CDK5RAP3: variants seen among roughly 807,000 people sequenced by gnomAD.
CDK5RAP3 encodes the protein CDK5 regulatory subunit associated protein 3.
A neutral mutation model predicts 73.3 loss-of-function variants in CDK5RAP3; 58 were observed. That is an observed-to-expected ratio of 0.79 (90% confidence interval 0.64 to 0.98). The LOEUF (loss-of-function observed/expected upper bound fraction) is 0.98, where lower values mean the gene tolerates loss of function less well. Ranked by LOEUF, CDK5RAP3 falls within the 50% of genes least tolerant of loss-of-function variation. The probability of loss-of-function intolerance (pLI) is 0.00; values close to 1 mark genes in which losing one functional copy is unlikely to be tolerated. For missense variants in CDK5RAP3, 525 were observed against 615.8 expected (o/e 0.85, Z 1.56); for synonymous variants, 224 against 247.5 (o/e 0.91, Z 0.89).
upstream of CDK5RAP3, among the ~76,000 whole-genome samples, chr17:47,969,556 C>CAAAAA (rs36208323): frequency 1.4e-4 from 11 of 79,850 alleles, no homozygotes; most frequent in African/African-American, 6.1e-4. Flanking sequence ...GACTCCGTCT[C>CAAAAA]AAAAAAAAAA....
At chr17:47,978,069 G>GTTT (rs71366815) in intron 10 of CDK5RAP3, 159 bp downstream of exon 10, 20,297 of 296,108 alleles carry the variant, frequency 0.069, 217 homozygotes, top group South Asian at 0.09. Flanking sequence ...ACCAAGAGAG[G>GTTT]TTTTTTTTTT....
At chr17:47,970,369 A>G (rs188634854), upstream of CDK5RAP3, among the ~76,000 whole-genome samples, 432 of 152,016 alleles carry the variant, frequency 2.8e-3, 1 homozygote, top group Non-Finnish European at 4.9e-3. Flanking sequence ...GTGCATTTCC[A>G]TTTTGCACTG....
chr17:47,979,065 C>T, intron 11 of CDK5RAP3, 148 bp downstream of exon 11: 1 of 636,854 alleles, frequency 1.6e-6, no homozygotes, highest in Non-Finnish European at 2.8e-6. Flanking sequence ...TATTAGATGC[C>T]TCCTATTCAT....
Position 47,973,556 on chromosome 17 carries a change from G to T in CDK5RAP3, c.90G>T (p.Trp30Cys). 6.2e-7 allele frequency: 1 copy of T among 1,614,186 alleles called. No homozygotes were observed. Among genetic ancestry groups the T allele is most frequent in the Non-Finnish European group, 8.5e-7 (1 of 1,180,028 alleles). Reference protein sequence around the residue: ...LVDRRHCSLKWQSLVLTIREK... With the variant: ...LVDRRHCSLKCQSLVLTIREK... Reference sequence around the variant, plus strand: ...ACAGAAGGCACTGCAGCCTGAAATGGCAGAGTCTGGTGCTGACGATCCGCG... The same window carrying T: ...ACAGAAGGCACTGCAGCCTGAAATGTCAGAGTCTGGTGCTGACGATCCGCG... Residue 30 changes from tryptophan to cysteine, a missense_variant, in exon 3 of 14, where the codon TGG becomes TGT. Trp to Cys is a radical substitution (Grantham distance 215). Coordinates refer to ENST00000338399, the MANE Select transcript of CDK5RAP3 (RefSeq NM_176096.3).
Position 47,981,166 on chromosome 17 carries a change from T to C in CDK5RAP3, c.1287T>C (p.Tyr429=). ...CTCACCTGAGTGCCCCGCACAGGTATGTGGACCGAGTGACTGAATTCCTCC... is the reference window on the plus strand; with the variant it reads ...CTCACCTGAGTGCCCCGCACAGGTACGTGGACCGAGTGACTGAATTCCTCC... ...HLFMILASPR[Y]VDRVTEFLQQ... Residue 429 remains tyrosine (Y), a synonymous_variant, in exon 13 of 14, where the codon TAT becomes TAC. Transcript: ENST00000338399. 4.3e-6 allele frequency: 7 copies of C among 1,613,914 alleles called. No homozygotes were observed. Among genetic ancestry groups the C allele is most frequent in the Non-Finnish European group, 5.9e-6 (7 of 1,179,842 alleles).
upstream of CDK5RAP3, chr17:47,970,611 A>G (rs1200954169): frequency 5.3e-6 from 8 of 1,501,974 alleles, no homozygotes; most frequent in Admixed American, 1.2e-4. Context: ...AACACGTTGC[A>G]GGTGCTCAAC....
rs2036564701 is a variant in CDK5RAP3, at chr17:47,981,757, A to G, written c.*255A>G. The G allele has an allele frequency of 6.7e-7, 1 of 1,482,384 alleles. No homozygotes were observed. 91.8% of individuals were successfully genotyped at this position (1,482,384 alleles called of 1,614,324 possible). A position where few individuals can be genotyped will look rare whatever the true frequency, so the allele number is the denominator to read the frequency against. On this transcript the variant is annotated 3_prime_UTR_variant, in exon 14 of 14. Coordinates refer to ENST00000338399, the MANE Select transcript of CDK5RAP3 (RefSeq NM_176096.3). ...TAGTTAGTATAGCGGACTTAATAAAAGAGGAAAAAACTCTTGCTTCAGTAC... is the reference window on the plus strand; with the variant it reads ...TAGTTAGTATAGCGGACTTAATAAAGGAGGAAAAAACTCTTGCTTCAGTAC...
chr17:47,981,038 T>A, intron 12 of CDK5RAP3, 125 bp from the exon 13 acceptor site: 1 of 1,096,970 alleles, frequency 9.1e-7, no homozygotes. Flanking sequence ...GGAAAGGGTT[T>A]AAGGATGTGA....
intron 5 of CDK5RAP3, 191 bp from the exon 6 acceptor site, chr17:47,974,968 T>C (rs2036363563): frequency 1.4e-6 from 2 of 1,454,864 alleles, no homozygotes; most frequent in South Asian, 1.4e-5. Context: ...TAAATGTTAT[T>C]GTCGCTGTTT....
upstream of CDK5RAP3, chr17:47,970,938 C>A (rs1040715404): frequency 4.8e-6 from 7 of 1,452,124 alleles, no homozygotes; most frequent in Non-Finnish European, 5.4e-6. Context: ...CATTCTCCCG[C>A]CCCTCCCGAG....
At position 47,978,677 on chromosome 17, in the gene CDK5RAP3, G is replaced by A. The variant is rs2036480294; in HGVS notation, c.989-152G>A. The A allele has an allele frequency of 6.5e-6, 4 of 618,530 alleles. No individual in the cohort carries two copies. In the South Asian group the frequency reaches 7.7e-5, roughly 12 times the overall value. The allele number at this position is 618,530 out of a possible 1,614,324, so 38.3% of individuals were successfully genotyped here. On this transcript the variant is annotated intron_variant, in intron 10 of 13. Transcript: ENST00000338399. ...ACCTGATTAGAGCTGAGACACCTGG[G>A]ACAAGGTAGCCTTCCCCCTTGGATT...
At chr17:47,977,067 A>G (rs8076314) in intron 9 of CDK5RAP3, among the ~76,000 whole-genome samples, 106,480 of 151,640 alleles carry the variant, frequency 0.7, 37,587 homozygotes, top group East Asian at 0.77. Flanking sequence ...TCCGCCTCCC[A>G]GGTTCAAGTG....
rs775512135 is a variant in CDK5RAP3 at position 47,973,648 on chromosome 17, C to A, written c.182C>A (p.Ser61Tyr). The A allele has an allele frequency of 4.7e-5, 76 of 1,613,912 alleles. No individual in the cohort carries two copies. The highest frequency in any genetic ancestry group is 6.4e-5 in the Non-Finnish European group (76 of 1,179,998). The change falls in exon 3 of 14, where the codon TCC becomes TAC. Residue 61 changes from serine to tyrosine, a missense_variant and splice_region_variant. By Grantham distance (144) the Ser-to-Tyr change is moderately radical. Coordinates refer to ENST00000338399, the MANE Select transcript of CDK5RAP3 (RefSeq NM_176096.3). ...SEEIAQLLSG[S>Y]YIHYFHCLRI... ...GAGATCGCCCAGCTGCTGTCTGGGTCCTGTGAGTGCTTAGGGGCTGTCACT... is the reference window on the plus strand; with the variant it reads ...GAGATCGCCCAGCTGCTGTCTGGGTACTGTGAGTGCTTAGGGGCTGTCACT...
chr17:47,970,564 C>T, upstream of CDK5RAP3: 3 of 1,077,590 alleles, frequency 2.8e-6, no homozygotes, highest in Non-Finnish European at 4.1e-6. Flanking sequence ...GACGTCTCAC[C>T]GACTCTCTTC....
At chr17:47,972,104 A>AAG (rs1555565893) in intron 2 of CDK5RAP3, among the ~76,000 whole-genome samples, 1 of 151,314 alleles carries the variant, frequency 6.6e-6, no homozygotes, top group Non-Finnish European at 1.5e-5. Context: ...AAAAAAAAAA[A>AAG]AAACCTCATT....
At chr17:47,977,691 T>G in intron 9 of CDK5RAP3, 141 bp from the exon 10 acceptor site, 4 of 660,884 alleles carry the variant, frequency 6.1e-6, no homozygotes, top group South Asian at 5.8e-5. Context: ...CTGCCATTTT[T>G]GGCACCTAAG....
intron 7 of CDK5RAP3, 65 bp from the exon 8 acceptor site, chr17:47,975,804 G>A: frequency 6.2e-7 from 1 of 1,608,088 alleles, no homozygotes. Context: ...ATGTGGCCCA[G>A]GCCAAAGCCC....
chr17:47,971,223 C>T (rs749007762), intron 1 of CDK5RAP3, 71 bp downstream of exon 1: 6 of 1,529,432 alleles, frequency 3.9e-6, no homozygotes, highest in East Asian at 2.5e-5. Flanking sequence ...GGTCTCCCTC[C>T]GGAAGCGGCT....
At chr17:47,976,355 C>G in intron 8 of CDK5RAP3, 1 of 363,010 alleles carries the variant, frequency 2.8e-6, no homozygotes, top group Non-Finnish European at 5.1e-6. Context: ...GCCCCACCCT[C>G]CTTTTTAAAT....
Sources: gnomAD v4.1 joint callset for allele counts (sites outside exome capture counted in the v4.1 genomes callset) on GRCh38, gnomAD v4.1.1 for gene constraint, MANE v1.5 for transcripts, NCBI Gene and HGNC (gene_info 2026-07-23, HGNC 2026-07-21) for gene names.